The following PTPRT variants were observed in gnomAD, a reference collection of about 807,000 sequenced individuals.
PTPRT encodes receptor-type tyrosine-protein phosphatase T.
Under a neutral mutation model 176.8 loss-of-function variants are expected in PTPRT, and 56 were observed. The observed-to-expected ratio is 0.32, with a 90% CI of 0.26 to 0.40. The LOEUF is 0.40. Among genes scored for constraint, PTPRT ranks in the 10% least tolerant of loss-of-function variants. The probability of loss-of-function intolerance (pLI) is 1.00; values close to 1 mark genes in which losing one functional copy is unlikely to be tolerated. For synonymous variants in PTPRT, 783 were observed against 739.0 expected, an observed-to-expected ratio of 1.06 and a Z score of -0.96; for missense variants, 1,540 against 1,908.2, an observed-to-expected ratio of 0.81 and a Z score of 3.60.
chr20:42,254,443 T>G (rs1472898765), intron 13 of PTPRT, among the ~76,000 whole-genome samples: 1 of 152,198 alleles, frequency 6.6e-6, no homozygotes, highest in Non-Finnish European at 1.5e-5. Flanking sequence ...ATGCACAATG[T>G]TCCAGAGATT....
At chr20:42,509,558 C>CAATTTA (rs1568938253) in intron 7 of PTPRT, among the ~76,000 whole-genome samples, 1 of 130,264 alleles carries the variant, frequency 7.7e-6, no homozygotes, top group African/African-American at 2.6e-5. Context: ...ATTTATATTT[C>CAATTTA]TATTCAAACT....
chr20:42,440,713 A>G (rs968542427), intron 9 of PTPRT, among the ~76,000 whole-genome samples: 22 of 152,014 alleles, frequency 1.4e-4, no homozygotes, highest in South Asian at 2.1e-4. Context: ...TCCTGACCTC[A>G]TGATCCGCCC....
At chr20:42,851,934 T>C (rs1286606494) in intron 2 of PTPRT, among the ~76,000 whole-genome samples, 1 of 152,244 alleles carries the variant, frequency 6.6e-6, no homozygotes, top group African/African-American at 2.4e-5. Flanking sequence ...AATCTATTAT[T>C]TCCCAAAACG....
At chr20:42,266,341 T>C (rs983827021) in intron 13 of PTPRT, among the ~76,000 whole-genome samples, 10 of 152,188 alleles carry the variant, frequency 6.6e-5, no homozygotes, top group African/African-American at 2.4e-4. Flanking sequence ...GGGATGACCT[T>C]TAGCACAGCT....
At chr20:43,160,937 A>G (rs1327065247) in intron 1 of PTPRT, among the ~76,000 whole-genome samples, 1 of 150,384 alleles carries the variant, frequency 6.6e-6, no homozygotes, top group Non-Finnish European at 1.5e-5. Flanking sequence ...AAAAAAACGT[A>G]GAGACAAGGT....
At chr20:42,812,747 C>A (rs986591803) in intron 2 of PTPRT, among the ~76,000 whole-genome samples, 2 of 152,058 alleles carry the variant, frequency 1.3e-5, no homozygotes, top group Non-Finnish European at 2.9e-5. Flanking sequence ...ATTTCCTCAT[C>A]TATAAATTGG....
chr20:42,876,529 G>GA (rs748352524), intron 2 of PTPRT, among the ~76,000 whole-genome samples: 6 of 152,122 alleles, frequency 3.9e-5, no homozygotes, highest in Non-Finnish European at 8.8e-5. Context: ...CAGAGCAGAA[G>GA]AACCCAGACC....
In PTPRT at chr20:42,315,184, C is replaced by CA. The variant is rs71193656; in HGVS notation, c.2139+538dup. Among the ~76,000 whole-genome samples, 101 of 63,358 alleles carry CA rather than the reference C, an allele frequency of 1.6e-3. 2 individuals are homozygous for CA. The highest frequency in any genetic ancestry group is 8.7e-3 in the East Asian group (19 of 2,196). The allele number at this position is 63,358 out of a possible 152,430, so 41.6% of individuals were successfully genotyped here. A position where few individuals can be genotyped will look rare whatever the true frequency, so the allele number is the denominator to read the frequency against. On this transcript the variant is annotated intron_variant, in intron 12 of 30. Coordinates refer to ENST00000373187, the MANE Select transcript of PTPRT (RefSeq NM_007050.6). Reference sequence around the variant, plus strand: ...TGGGCGACAGAGCGAGGCTCCGTCTCAAAAAAAAAAAAAAAAAAAAAAAAA... The same window carrying CA: ...TGGGCGACAGAGCGAGGCTCCGTCTCAAAAAAAAAAAAAAAAAAAAAAAAAA...
intron 7 of PTPRT, among the ~76,000 whole-genome samples, chr20:42,542,397 G>GA (rs74686571): frequency 5.3e-5 from 8 of 151,658 alleles, no homozygotes; most frequent in East Asian, 1.9e-4. Flanking sequence ...TTTCCAGGGG[G>GA]AAAAAAAATA....
chr20:42,392,633 C>T (rs1006446822), intron 9 of PTPRT, among the ~76,000 whole-genome samples: 1 of 152,174 alleles, frequency 6.6e-6, no homozygotes, highest in African/African-American at 2.4e-5. Flanking sequence ...AGTTCTACCC[C>T]TATCTTCAGA....
At chr20:42,524,445 T>C (rs2072233001) in intron 7 of PTPRT, among the ~76,000 whole-genome samples, 1 of 152,170 alleles carries the variant, frequency 6.6e-6, no homozygotes, top group Non-Finnish European at 1.5e-5. Flanking sequence ...TCTCTCTTCA[T>C]TTTGCGGATT....
intron 1 of PTPRT, among the ~76,000 whole-genome samples, chr20:42,889,315 G>C (rs2079153473): frequency 6.6e-6 from 1 of 152,244 alleles, no homozygotes; most frequent in African/African-American, 2.4e-5. Flanking sequence ...TTCCACAGCA[G>C]CAGGCCTTGG....
intron 11 of PTPRT, among the ~76,000 whole-genome samples, chr20:42,334,554 A>C (rs1461211086): frequency 1.2e-4 from 19 of 152,254 alleles, no homozygotes; most frequent in Admixed American, 1.2e-3. Context: ...ATAAATTATA[A>C]CAAGCCATTT....
chr20:43,050,438 AC>A (rs1986998545), intron 1 of PTPRT, among the ~76,000 whole-genome samples: 1 of 152,196 alleles, frequency 6.6e-6, no homozygotes, highest in African/African-American at 2.4e-5. Flanking sequence ...GGCCACGGCC[AC>A]CCAGGCAGGG....
At chr20:42,354,618 T>A (rs2058332798) in intron 9 of PTPRT, among the ~76,000 whole-genome samples, 1 of 152,220 alleles carries the variant, frequency 6.6e-6, no homozygotes, top group Non-Finnish European at 1.5e-5. Context: ...CCCAACTGAA[T>A]TCAAGTCAGG....
intron 1 of PTPRT, among the ~76,000 whole-genome samples, chr20:43,107,538 G>A (rs2425603): frequency 0.29 from 43,799 of 152,090 alleles, 6,727 homozygotes; most frequent in Non-Finnish European, 0.35. Context: ...AATTAAAAAC[G>A]GCAGTCATTT....
intron 1 of PTPRT, among the ~76,000 whole-genome samples, chr20:43,008,971 T>C (rs1425105744): frequency 1.3e-5 from 2 of 152,148 alleles, no homozygotes; most frequent in Non-Finnish European, 2.9e-5. Context: ...TGACTTCACA[T>C]GTCAAGGGCT....
intron 16 of PTPRT, among the ~76,000 whole-genome samples, chr20:42,191,177 A>T (rs1473158610): frequency 1.2e-5 from 1 of 85,062 alleles, no homozygotes; most frequent in Non-Finnish European, 2.4e-5. Context: ...ACCAGAAATA[A>T]AAAAAAAAAA....
intron 2 of PTPRT, among the ~76,000 whole-genome samples, chr20:42,817,888 C>T (rs187756722): frequency 0.019 from 2,883 of 152,244 alleles, 74 homozygotes; most frequent in Non-Finnish European, 0.023. Context: ...ACCTGAGCCC[C>T]GGCGGGAGGG....
Sources: gnomAD v4.1 joint callset for allele counts (sites outside exome capture counted in the v4.1 genomes callset) on GRCh38, gnomAD v4.1.1 for gene constraint, MANE v1.5 for transcripts, NCBI Gene and HGNC (gene_info 2026-07-23, HGNC 2026-07-21) for gene names.